SEMA5A: variants seen among roughly 807,000 people sequenced by gnomAD.
SEMA5A encodes the protein semaphorin 5A.
In SEMA5A, 55 loss-of-function variants were observed where a neutral mutation model predicts 135.5. The observed-to-expected ratio is 0.41, with a 90% CI of 0.33 to 0.51. The LOEUF is 0.51. Among genes scored for constraint, SEMA5A ranks in the 20% least tolerant of loss-of-function variants. SEMA5A has a pLI of 0.37. For synonymous variants in SEMA5A, 580 were observed against 546.5 expected (o/e 1.06, Z -0.85); for missense variants, 1,290 against 1,419.9 (o/e 0.91, Z 1.47).
chr5:9,345,464 GGTTA>G (rs1204426695), intron 3 of SEMA5A, among the ~76,000 whole-genome samples: 2 of 151,008 alleles, frequency 1.3e-5, no homozygotes, highest in Non-Finnish European at 2.9e-5. Flanking sequence ...ACAGATTGGT[GGTTA>G]GTATTTAATG....
chr5:9,497,052 C>T (rs185106907), intron 1 of SEMA5A, among the ~76,000 whole-genome samples: 51 of 152,278 alleles, frequency 3.3e-4, no homozygotes, highest in Non-Finnish European at 5.9e-5. Context: ...CTTACAAATG[C>T]AATGCCTTAT....
At chr5:9,372,905 G>A (rs373524358) in intron 3 of SEMA5A, among the ~76,000 whole-genome samples, 23 of 152,316 alleles carry the variant, frequency 1.5e-4, no homozygotes, top group African/African-American at 4.6e-4. Context: ...TCCGTGTTAC[G>A]CCTTCTCCAG....
intron 1 of SEMA5A, among the ~76,000 whole-genome samples, chr5:9,536,120 C>T (rs1737750107): frequency 6.6e-6 from 1 of 152,204 alleles, no homozygotes; most frequent in Non-Finnish European, 1.5e-5. Flanking sequence ...AAACTTGGTG[C>T]ACCCACTTTT....
intron 10 of SEMA5A, among the ~76,000 whole-genome samples, chr5:9,195,815 C>T (rs1009971251): frequency 2.0e-5 from 3 of 152,200 alleles, no homozygotes; most frequent in Non-Finnish European, 4.4e-5. Flanking sequence ...AATCACTGAA[C>T]CTTTCCATAC....
At chr5:9,103,495 T>G (rs1739738684) in intron 16 of SEMA5A, among the ~76,000 whole-genome samples, 1 of 152,208 alleles carries the variant, frequency 6.6e-6, no homozygotes, top group South Asian at 2.1e-4. Context: ...CTTCTTGACC[T>G]TTCCAGGCTT....
chr5:9,386,008 G>T (rs527761430), intron 2 of SEMA5A, among the ~76,000 whole-genome samples: 178 of 152,068 alleles, frequency 1.2e-3, no homozygotes, highest in Non-Finnish European at 1.2e-3. Flanking sequence ...CACCATGTTG[G>T]TCAGGCTAGT....
At chr5:9,267,817 A>AAC (rs1293168522) in intron 5 of SEMA5A, among the ~76,000 whole-genome samples, 2 of 152,124 alleles carry the variant, frequency 1.3e-5, no homozygotes, top group African/African-American at 4.8e-5. Context: ...AGATTTACAG[A>AAC]ACACGTGGAT....
At chr5:9,161,708 C>T (rs1201710344) in intron 11 of SEMA5A, among the ~76,000 whole-genome samples, 3 of 152,192 alleles carry the variant, frequency 2.0e-5, no homozygotes, top group South Asian at 2.1e-4. Context: ...CCTGGCTACA[C>T]GCAAACAAGA....
chr5:9,129,148 A>G (rs1741271517), intron 13 of SEMA5A, among the ~76,000 whole-genome samples: 1 of 152,246 alleles, frequency 6.6e-6, no homozygotes, highest in African/African-American at 2.4e-5. Context: ...ACAGGGAAAT[A>G]GAGGAAGAAC....
chr5:9,220,488 G>C (rs765725249), intron 8 of SEMA5A, among the ~76,000 whole-genome samples: 50 of 151,522 alleles, frequency 3.3e-4, no homozygotes, highest in Non-Finnish European at 6.0e-4. Context: ...AGAATAGATG[G>C]GAATCCAAGT....
rs1454897932 is a variant in SEMA5A at position 9,545,759 on chromosome 5, G to T, written c.-350C>A. 3 of 152,322 alleles carry T rather than the reference G, an allele frequency of 2.0e-5. No homozygotes were observed. Among genetic ancestry groups the T allele is most frequent in the African/African-American group, 7.2e-5 (3 of 41,452 alleles). The allele number at this position is 152,322 out of a possible 1,614,324, so 9.4% of individuals were successfully genotyped here. ...CCAGAATGGGGGCACCGGCTTGGGGGCCACGAGCACGGTCCCCGAGCGCGC... is the reference window on the plus strand; with the variant it reads ...CCAGAATGGGGGCACCGGCTTGGGGTCCACGAGCACGGTCCCCGAGCGCGC... On this transcript the variant is annotated 5_prime_UTR_variant, in exon 1 of 23. Transcript: ENST00000382496. This position sits in a 1 kb window ranked among gnomAD's most constrained non-coding sequence, Gnocchi z 4.5.
At chr5:9,169,274 C>A (rs928378895) in intron 11 of SEMA5A, among the ~76,000 whole-genome samples, 1 of 152,178 alleles carries the variant, frequency 6.6e-6, no homozygotes, top group African/African-American at 2.4e-5. Context: ...CATATTGAAT[C>A]AAGTTGCAGA....
Position 9,154,644 on chromosome 5 carries a change from C to T in SEMA5A, c.1325G>A (p.Ser442Asn). ...GAGCTCAATCTCTTCCAGCAAACAG[C>T]TGCTTGAGGTCTGATTCAGGGGTAC... ...VRVPLNQTSS[S>N]CLLEEIELFP... The change falls in exon 12 of 23, where the codon AGC becomes AAC. Residue 442 changes from serine to asparagine, a missense_variant. By Grantham distance (46) the Ser-to-Asn change is conservative (BLOSUM62 1). Coordinates refer to ENST00000382496, the MANE Select transcript of SEMA5A (RefSeq NM_003966.3). 6.2e-7 allele frequency: 1 copy of T among 1,614,130 alleles called. No homozygotes were observed. Among genetic ancestry groups the T allele is most frequent in the Non-Finnish European group, 8.5e-7 (1 of 1,180,036 alleles).
intron 4 of SEMA5A, among the ~76,000 whole-genome samples, chr5:9,326,449 T>G (rs1175823483): frequency 6.6e-6 from 1 of 152,090 alleles, no homozygotes; most frequent in Non-Finnish European, 1.5e-5. Flanking sequence ...AGATGGGGTT[T>G]CGCTGTGTTG....
intron 10 of SEMA5A, among the ~76,000 whole-genome samples, chr5:9,191,270 G>A (rs1270498146): frequency 6.6e-6 from 1 of 152,178 alleles, no homozygotes; most frequent in Non-Finnish European, 1.5e-5. Flanking sequence ...ATTCAGCCCT[G>A]TACAATGCTG....
rs928974151 is a variant in SEMA5A, at chr5:9,545,659, T to C, written c.-250A>G. ...GGCTCCGAGGATCCTCTTCAGCACC[T>C]GGCTAGGGAAGTGGAGGCAGCAGCT... On this transcript the variant is annotated 5_prime_UTR_variant, in exon 1 of 23. Transcript: ENST00000382496. This position sits in a 1 kb window ranked among gnomAD's most constrained non-coding sequence, Gnocchi z 4.5. 2 of 152,160 alleles carry C rather than the reference T, an allele frequency of 1.3e-5. No homozygotes were observed. Among genetic ancestry groups the C allele is most frequent in the African/African-American group, 4.8e-5 (2 of 41,428 alleles). The allele number at this position is 152,160 out of a possible 1,614,324, so 9.4% of individuals were successfully genotyped here. A position where few individuals can be genotyped will look rare whatever the true frequency, so the allele number is the denominator to read the frequency against.
At chr5:9,526,653 C>A (rs1187826669) in intron 1 of SEMA5A, among the ~76,000 whole-genome samples, 1 of 152,204 alleles carries the variant, frequency 6.6e-6, no homozygotes, top group Non-Finnish European at 1.5e-5. Flanking sequence ...TCCGGAGAAG[C>A]CCCGGAGCAG....
chr5:9,063,892 A>G (rs1737317872), intron 17 of SEMA5A, among the ~76,000 whole-genome samples: 1 of 152,228 alleles, frequency 6.6e-6, no homozygotes, highest in African/African-American at 2.4e-5. Flanking sequence ...AAGTCACGTA[A>G]TTAGCCATAG....
intron 2 of SEMA5A, among the ~76,000 whole-genome samples, chr5:9,421,293 A>T (rs1008962491): frequency 1.3e-5 from 2 of 152,232 alleles, no homozygotes; most frequent in Non-Finnish European, 2.9e-5. Flanking sequence ...TTAACCAGGT[A>T]TGATTAAAAT....
Sources: allele counts gnomAD v4.1 joint callset (sites outside exome capture counted in the v4.1 genomes callset), GRCh38; gene constraint gnomAD v4.1.1; non-coding constraint Gnocchi (gnomAD v3.1); transcripts MANE v1.5; gene names NCBI Gene and HGNC (gene_info 2026-07-23, HGNC 2026-07-21).